The following ST6GALNAC3 variants were observed in gnomAD, a reference collection of about 807,000 sequenced individuals.
ST6GALNAC3 encodes alpha-N-acetylgalactosaminide alpha-2,6-sialyltransferase 3.
A neutral mutation model predicts 32.7 loss-of-function variants in ST6GALNAC3; 25 were observed. The observed-to-expected ratio is 0.76, with a 90% CI of 0.56 to 1.07. The LOEUF (loss-of-function observed/expected upper bound fraction) is 1.07. Ranked by LOEUF, ST6GALNAC3 falls within the 50% of genes least tolerant of loss-of-function variation. The probability of loss-of-function intolerance (pLI) is 0.00; values close to 1 mark genes in which losing one functional copy is unlikely to be tolerated. For synonymous variants in ST6GALNAC3, 129 were observed against 133.1 expected, an observed-to-expected ratio of 0.97 and a Z score of 0.21; for missense variants, 355 against 382.4, an observed-to-expected ratio of 0.93 and a Z score of 0.60.
At chr1:76,360,510 T>G (rs968131349) in intron 2 of ST6GALNAC3, among the ~76,000 whole-genome samples, 1 of 152,216 alleles carries the variant, frequency 6.6e-6, no homozygotes, top group African/African-American at 2.4e-5. Context: ...GGCCCCAATT[T>G]CAAATATTTT....
At chr1:76,324,735 G>C (rs2100934821) in intron 2 of ST6GALNAC3, among the ~76,000 whole-genome samples, 1 of 152,248 alleles carries the variant, frequency 6.6e-6, no homozygotes, top group Non-Finnish European at 1.5e-5. Flanking sequence ...CTAAGTATGA[G>C]TAAAGTATGG....
intron 1 of ST6GALNAC3, among the ~76,000 whole-genome samples, chr1:76,255,030 CTTT>C (rs11444517): frequency 6.8e-6 from 1 of 146,346 alleles, no homozygotes; most frequent in Non-Finnish European, 1.5e-5. Context: ...CTCTCTCTCT[CTTT>C]TTTTTTTTTT....
At chr1:76,510,239 C>T (rs921579340) in intron 3 of ST6GALNAC3, among the ~76,000 whole-genome samples, 4 of 152,058 alleles carry the variant, frequency 2.6e-5, no homozygotes, top group African/African-American at 9.7e-5. Context: ...GGAGCTCTGG[C>T]CAACAACTTT....
At chr1:76,119,973 T>G (rs1177717066) in intron 1 of ST6GALNAC3, among the ~76,000 whole-genome samples, 2 of 152,224 alleles carry the variant, frequency 1.3e-5, no homozygotes, top group Admixed American at 1.3e-4. Flanking sequence ...AGGCCTGCCT[T>G]GTATTCCACT....
At chr1:76,411,495 T>C (rs187068423) in intron 2 of ST6GALNAC3, among the ~76,000 whole-genome samples, 21 of 152,252 alleles carry the variant, frequency 1.4e-4, no homozygotes, top group Non-Finnish European at 1.9e-4. Context: ...CTTAAGTAGT[T>C]ACTGGTTCTG....
At chr1:76,439,566 A>G (rs1656398283) in intron 3 of ST6GALNAC3, among the ~76,000 whole-genome samples, 1 of 152,172 alleles carries the variant, frequency 6.6e-6, no homozygotes, top group South Asian at 2.1e-4. Context: ...TTTCCTTTCC[A>G]TTCAGGTGCC....
At chr1:76,211,631 T>C (rs1267231632) in intron 1 of ST6GALNAC3, among the ~76,000 whole-genome samples, 1 of 152,148 alleles carries the variant, frequency 6.6e-6, no homozygotes, top group East Asian at 1.9e-4. Context: ...TCATGTCCTT[T>C]GTAGGGACAT....
At chr1:76,526,134 C>T (rs1662897530) in intron 3 of ST6GALNAC3, among the ~76,000 whole-genome samples, 1 of 151,862 alleles carries the variant, frequency 6.6e-6, no homozygotes, top group East Asian at 1.9e-4. Context: ...ACCTTCCCTA[C>T]TTCCTTTGCC....
intron 1 of ST6GALNAC3, among the ~76,000 whole-genome samples, chr1:76,294,818 A>G (rs1029780386): frequency 6.6e-6 from 1 of 152,160 alleles, no homozygotes; most frequent in Non-Finnish European, 1.5e-5. Flanking sequence ...AAGTTAATGC[A>G]CTTGTCCATC....
At chr1:76,199,804 T>C (rs1012123936) in intron 1 of ST6GALNAC3, among the ~76,000 whole-genome samples, 1 of 152,222 alleles carries the variant, frequency 6.6e-6, no homozygotes, top group African/African-American at 2.4e-5. Context: ...TCCCACATGA[T>C]GTGGAATGTA....
At chr1:76,434,782 C>CTTTTTTTTTTTTTTTT (rs1557883285) in intron 3 of ST6GALNAC3, among the ~76,000 whole-genome samples, 1 of 98,720 alleles carries the variant, frequency 1.0e-5, no homozygotes, top group African/African-American at 3.8e-5. Flanking sequence ...TTTTTTTTCT[C>CTTTTTTTTTTTTTTTT]TGTTTTTTTT....
At chr1:76,141,973 G>A (rs1429201368) in intron 1 of ST6GALNAC3, among the ~76,000 whole-genome samples, 2 of 152,208 alleles carry the variant, frequency 1.3e-5, no homozygotes, top group Non-Finnish European at 2.9e-5. Flanking sequence ...CTGATCAAGT[G>A]CTAAGGCTTC....
intron 1 of ST6GALNAC3, among the ~76,000 whole-genome samples, chr1:76,147,226 C>G (rs1201693372): frequency 3.3e-5 from 5 of 152,028 alleles, no homozygotes; most frequent in Non-Finnish European, 4.4e-5. Context: ...CCATGCCCAG[C>G]TAATTTTTGT....
chr1:76,401,023 T>G (rs1653373839), intron 2 of ST6GALNAC3, among the ~76,000 whole-genome samples: 1 of 152,350 alleles, frequency 6.6e-6, no homozygotes, highest in South Asian at 2.1e-4. Flanking sequence ...GATGAAGCTT[T>G]ACTATAATGT....
intron 2 of ST6GALNAC3, among the ~76,000 whole-genome samples, chr1:76,348,217 A>T (rs1240455142): frequency 6.6e-6 from 1 of 152,190 alleles, no homozygotes; most frequent in Admixed American, 6.5e-5. Flanking sequence ...TGGTACAGAG[A>T]TAACTTATTG....
chr1:76,456,664 A>G (rs927341637), intron 3 of ST6GALNAC3, among the ~76,000 whole-genome samples: 3 of 152,242 alleles, frequency 2.0e-5, no homozygotes, highest in African/African-American at 7.2e-5. Flanking sequence ...CCTTCATGCT[A>G]AAAACTCTCA....
intron 2 of ST6GALNAC3, among the ~76,000 whole-genome samples, chr1:76,380,053 T>C (rs927073324): frequency 6.6e-6 from 1 of 152,122 alleles, no homozygotes; most frequent in African/African-American, 2.4e-5. Flanking sequence ...AGCTAAGTCA[T>C]ATCAATCTAC....
intron 2 of ST6GALNAC3, among the ~76,000 whole-genome samples, chr1:76,409,753 T>C (rs1654086252): frequency 6.6e-6 from 1 of 152,122 alleles, no homozygotes; most frequent in Non-Finnish European, 1.5e-5. Context: ...AAATAATATC[T>C]ATAGAAAGGA....
chr1:76,301,377 A>G (rs1331725495), intron 1 of ST6GALNAC3, among the ~76,000 whole-genome samples: 1 of 152,026 alleles, frequency 6.6e-6, no homozygotes, highest in African/African-American at 2.4e-5. Flanking sequence ...GGTTTAAAAA[A>G]AAAATCAAAG....
Sources: allele counts gnomAD v4.1 joint callset (sites outside exome capture counted in the v4.1 genomes callset), GRCh38; gene constraint gnomAD v4.1.1; transcripts MANE v1.5; gene names NCBI Gene and HGNC (gene_info 2026-07-23, HGNC 2026-07-21).